Variants in SCUBE3 observed in about 807,000 individuals in gnomAD.
SCUBE3 encodes signal peptide, CUB domain and EGF like domain containing 3, also known as signal peptide, CUB and EGF-like domain-containing protein 3.
Under a neutral mutation model 116.8 loss-of-function variants are expected in SCUBE3, and 33 were observed. The observed-to-expected ratio is 0.28, with a 90% CI of 0.21 to 0.38. SCUBE3 has a LOEUF of 0.38. Among genes scored for constraint, SCUBE3 ranks in the 10% least tolerant of loss-of-function variants. The pLI is 1.00. For synonymous variants in SCUBE3, 418 were observed against 496.9 expected (o/e 0.84, Z 2.11); for missense variants, 1,007 against 1,324.8 (o/e 0.76, Z 3.72).
chr6:35,226,557 A>G (rs1307975214), intron 1 of SCUBE3, among the ~76,000 whole-genome samples: 1 of 130,316 alleles, frequency 7.7e-6, no homozygotes, highest in African/African-American at 2.9e-5. Flanking sequence ...ATCTCAGCTC[A>G]CTGCAACCTC....
At chr6:35,247,656 C>G (rs550559646) in intron 21 of SCUBE3, among the ~76,000 whole-genome samples, 4 of 152,250 alleles carry the variant, frequency 2.6e-5, no homozygotes, top group African/African-American at 9.6e-5. Context: ...TATTTCAAAT[C>G]AAATGTACTG....
chr6:35,228,827 G>A lies in SCUBE3; in HGVS notation c.334+88G>A. 7.2e-7 allele frequency: 1 copy of A among 1,386,942 alleles called. No individual in the cohort carries two copies. Among genetic ancestry groups the A allele is most frequent in the Non-Finnish European group, 1.0e-6 (1 of 980,020 alleles). 85.9% of individuals were successfully genotyped at this position (1,386,942 alleles called of 1,614,324 possible). A position where few individuals can be genotyped will look rare whatever the true frequency, so the allele number is the denominator to read the frequency against. On this transcript the variant is annotated intron_variant, in intron 3 of 21. Transcript: ENST00000274938. This position sits in a 1 kb window ranked among gnomAD's most constrained non-coding sequence, Gnocchi z 4.9. ...TTTCCTATTTCCCAGGGAAGGAGGA[G>A]AGAGTGATCAAGAAGAGCTACATTC...
At chr6:35,248,216 A>G (rs751610075) in intron 21 of SCUBE3, among the ~76,000 whole-genome samples, 10 of 152,218 alleles carry the variant, frequency 6.6e-5, no homozygotes, top group Non-Finnish European at 1.3e-4. Flanking sequence ...CAGTACTCCA[A>G]GTCAGAGACA....
chr6:35,238,480 C>A (rs1282517854), intron 7 of SCUBE3, among the ~76,000 whole-genome samples: 2 of 152,156 alleles, frequency 1.3e-5, no homozygotes, highest in Non-Finnish European at 2.9e-5. Context: ...GAGTAGGATA[C>A]TAGTTAGGAG....
At position 35,245,651 on chromosome 6, in the gene SCUBE3, T is replaced by C. The variant is rs1194832455; in HGVS notation, c.2599+226T>C. Among the ~76,000 whole-genome samples the C allele has an allele frequency of 6.6e-6, 1 of 152,184 alleles. No homozygotes were observed. Among genetic ancestry groups the C allele is most frequent in the Admixed American group, 6.5e-5 (1 of 15,278 alleles). Reference sequence around the variant, plus strand: ...AGAAAGCTAGCAGTGGGGCTAGAACTCCAATGGCGTTACATGTATCACTTT... The same window carrying C: ...AGAAAGCTAGCAGTGGGGCTAGAACCCCAATGGCGTTACATGTATCACTTT... On this transcript the variant is annotated intron_variant, in intron 19 of 21. Transcript: ENST00000274938. This position sits in a 1 kb window ranked among gnomAD's most constrained non-coding sequence, Gnocchi z 4.2.
chr6:35,243,278 A>C lies in SCUBE3; in HGVS notation c.1909+42A>C. 1 of 1,547,844 alleles carries C rather than the reference A, an allele frequency of 6.5e-7. No individual in the cohort carries two copies. Among genetic ancestry groups the C allele is most frequent in the Non-Finnish European group, 8.9e-7 (1 of 1,125,936 alleles). ...GGGAGCAGGGATGTAGGAAAGACCCAGTTTGGGCCTGACTCAGAGCAGGAC... is the reference window on the plus strand; with the variant it reads ...GGGAGCAGGGATGTAGGAAAGACCCCGTTTGGGCCTGACTCAGAGCAGGAC... On this transcript the variant is annotated intron_variant, in intron 15 of 21. Transcript: ENST00000274938. The surrounding 1 kb of genome is among the most constrained non-coding windows in gnomAD (Gnocchi z 6.6).
chr6:35,243,163 C>T lies in SCUBE3; in HGVS notation c.1836C>T (p.Gly612=). The change falls in exon 15 of 22, where the codon GGC becomes GGT. Residue 612 remains glycine (G), a synonymous_variant. Coordinates refer to ENST00000274938, the MANE Select transcript of SCUBE3 (RefSeq NM_152753.4). The surrounding 1 kb of genome is among the most constrained non-coding windows in gnomAD (Gnocchi z 6.6). ...GLDYELAHKP[G]LVAGERAEPM... Reference sequence around the variant, plus strand: ...ATTATGAGCTGGCCCACAAGCCGGGCCTGGTAGCCGGGGAGCGAGCAGAGC... The same window carrying T: ...ATTATGAGCTGGCCCACAAGCCGGGTCTGGTAGCCGGGGAGCGAGCAGAGC... 6.2e-7 allele frequency: 1 copy of T among 1,614,232 alleles called. No individual in the cohort carries two copies. Among genetic ancestry groups the T allele is most frequent in the East Asian group, 2.2e-5 (1 of 44,878 alleles).
rs764779695 is a variant in SCUBE3, at chr6:35,226,480, C to CTTTTTTTTTTTTTTTTTTTTTTTTTTT, written c.86-1078_86-1077insTTTTTTTTTTTTTTTTTTTTTTTTTTT. Among the ~76,000 whole-genome samples the CTTTTTTTTTTTTTTTTTTTTTTTTTTT allele has an allele frequency of 1.2e-4, 10 of 85,234 alleles. 2 individuals carry two copies. The highest frequency in any genetic ancestry group is 9.9e-4 in the East Asian group (2 of 2,016). 55.9% of individuals were successfully genotyped at this position (85,234 alleles called of 152,430 possible). A position where few individuals can be genotyped will look rare whatever the true frequency, so the allele number is the denominator to read the frequency against. On this transcript the variant is annotated intron_variant, in intron 1 of 21. Transcript: ENST00000274938. ...CAGAAGTTGGACTCTTTTCTATGTCCTTTTTTTTTTTTTTTTTTTTTTGAG... is the reference window on the plus strand; with the variant it reads ...CAGAAGTTGGACTCTTTTCTATGTCCTTTTTTTTTTTTTTTTTTTTTTTTTTTTTTTTTTTTTTTTTTTTTTTTTGAG...
In SCUBE3 at chr6:35,233,305, G is replaced by A; in HGVS notation, c.712+4G>A. On this transcript the variant is annotated splice_donor_region_variant and intron_variant, in intron 6 of 21. Coordinates refer to ENST00000274938, the MANE Select transcript of SCUBE3 (RefSeq NM_152753.4). This position sits in a 1 kb window ranked among gnomAD's most constrained non-coding sequence, Gnocchi z 5.7. ...ACCGACGGGAAGACATGCATCGGTG[G>A]GTGAGGCCAGGGGAGAACTCAGTCC... The A allele has an allele frequency of 6.4e-7, 1 of 1,560,166 alleles. No homozygotes were observed. Among genetic ancestry groups the A allele is most frequent in the Non-Finnish European group, 8.8e-7 (1 of 1,130,860 alleles).
Position 35,245,869 on chromosome 6 carries a change from C to A in SCUBE3, c.2600-75C>A. On this transcript the variant is annotated intron_variant, in intron 19 of 21. Transcript: ENST00000274938. The surrounding 1 kb of genome is among the most constrained non-coding windows in gnomAD (Gnocchi z 4.2). ...TCTTGCCCTATACCCCCACCACCAG[C>A]TGTACAGCCCACGTTCTAGGAGGGC... 6.7e-7 allele frequency: 1 copy of A among 1,496,380 alleles called. No individual in the cohort carries two copies. The highest frequency in any genetic ancestry group is 9.2e-7 in the Non-Finnish European group (1 of 1,090,534). 92.7% of individuals were successfully genotyped at this position (1,496,380 alleles called of 1,614,324 possible). A position where few individuals can be genotyped will look rare whatever the true frequency, so the allele number is the denominator to read the frequency against.
At chr6:35,242,006 G>A in intron 12 of SCUBE3, 96 bp downstream of exon 12, 1 of 986,238 alleles carries the variant, frequency 1.0e-6, no homozygotes, top group Non-Finnish European at 1.6e-6. Flanking sequence ...CCTTTCTCCT[G>A]GATCCTCTTT....
chr6:35,241,119 G>T lies in SCUBE3; in HGVS notation c.1070-22G>T. Reference sequence around the variant, plus strand: ...CCTCCAACTCCATCGTTGTTTTTCTGTCTCCCTACTCCTTCCCCCAGATGT... The same window carrying T: ...CCTCCAACTCCATCGTTGTTTTTCTTTCTCCCTACTCCTTCCCCCAGATGT... On this transcript the variant is annotated intron_variant, in intron 9 of 21. Transcript: ENST00000274938. The surrounding 1 kb of genome is among the most constrained non-coding windows in gnomAD (Gnocchi z 4.1). The T allele has an allele frequency of 6.4e-7, 1 of 1,565,550 alleles. No individual in the cohort carries two copies. Among genetic ancestry groups the T allele is most frequent in the Non-Finnish European group, 8.7e-7 (1 of 1,147,576 alleles).
Position 35,243,621 on chromosome 6 carries a change from A to G in SCUBE3, c.1937A>G (p.His646Arg), listed in dbSNP as rs764959041. Residue 646 changes from histidine (H) to arginine (R), a missense_variant, in exon 16 of 22, where the codon CAC (histidine) becomes CGC (arginine). By Grantham distance (29) the His-to-Arg change is conservative. Coordinates refer to ENST00000274938, the MANE Select transcript of SCUBE3 (RefSeq NM_152753.4). The surrounding 1 kb of genome is among the most constrained non-coding windows in gnomAD (Gnocchi z 6.6). Reference protein sequence around the residue: ...CVSCPQGTYYHGQTEQCVPCP... With the variant: ...CVSCPQGTYYRGQTEQCVPCP... ...AGCTGCCCGCAGGGAACGTATTACC[A>G]CGGCCAGACGGAGCAGTGTGTGCCA... The G allele has an allele frequency of 1.5e-5, 24 of 1,613,574 alleles. No individual in the cohort carries two copies. In the Admixed American group the frequency reaches 4.0e-4, roughly 27 times the overall value.
chr6:35,241,146 G>A lies in SCUBE3; in HGVS notation c.1075G>A (p.Asp359Asn). Residue 359 changes from aspartate to asparagine, a missense_variant, in exon 10 of 22, where the codon GAT becomes AAT. Physicochemically the swap from Asp to Asn is conservative, Grantham distance 23. This residue lies in a region of SCUBE3 where 544 missense variants were observed against 638.9 expected (regional missense o/e 0.85). Transcript: ENST00000274938. This position sits in a 1 kb window ranked among gnomAD's most constrained non-coding sequence, Gnocchi z 4.1. ...CTCCCTACTCCTTCCCCCAGATGTG[G>A]ATGAATGCAGCATCAACCGGGGAGG... ...LYGITHCGDV[D>N]ECSINRGGCR... 1 of 1,593,838 alleles carries A rather than the reference G, an allele frequency of 6.3e-7. No individual in the cohort carries two copies. The highest frequency in any genetic ancestry group is 8.6e-7 in the Non-Finnish European group (1 of 1,163,836).
chr6:35,219,030 A>G lies in SCUBE3; in HGVS notation c.85+4527A>G, dbSNP rs953512419. 2.0e-5 allele frequency among the ~76,000 whole-genome samples: 3 copies of G among 152,114 alleles called. No homozygotes were observed. The highest frequency in any genetic ancestry group is 7.2e-5 in the African/African-American group (3 of 41,412). ...AAGGCAGAAGGCGCCGGGCCTCCAC[A>G]GGTTACTCACCCAAATCTCAGGCGC... On this transcript the variant is annotated intron_variant, in intron 1 of 21. Transcript: ENST00000274938. This position sits in a 1 kb window ranked among gnomAD's most constrained non-coding sequence, Gnocchi z 4.7.
chr6:35,226,946 A>G (rs972342315), intron 1 of SCUBE3, among the ~76,000 whole-genome samples: 2 of 152,244 alleles, frequency 1.3e-5, no homozygotes, highest in African/African-American at 4.8e-5. Flanking sequence ...GGCTTCAGGT[A>G]GCTGGTGCCA....
chr6:35,240,585 C>A lies in SCUBE3; in HGVS notation c.1069+95C>A. The A allele has an allele frequency of 1.6e-6, 1 of 622,954 alleles. No homozygotes were observed. Among genetic ancestry groups the A allele is most frequent in the Non-Finnish European group, 2.8e-6 (1 of 351,704 alleles). 38.6% of individuals were successfully genotyped at this position (622,954 alleles called of 1,614,324 possible). A position where few individuals can be genotyped will look rare whatever the true frequency, so the allele number is the denominator to read the frequency against. On this transcript the variant is annotated intron_variant, in intron 9 of 21. Coordinates refer to ENST00000274938, the MANE Select transcript of SCUBE3 (RefSeq NM_152753.4). The surrounding 1 kb of genome is among the most constrained non-coding windows in gnomAD (Gnocchi z 4.6). ...CCTTGTGTTGGCTTGTGGCTATGGGCAATCCCTGGATGCATGCACCATGTC... is the reference window on the plus strand; with the variant it reads ...CCTTGTGTTGGCTTGTGGCTATGGGAAATCCCTGGATGCATGCACCATGTC...
intron 3 of SCUBE3, among the ~76,000 whole-genome samples, chr6:35,230,182 C>A (rs775838943): frequency 5.9e-5 from 9 of 152,180 alleles, no homozygotes; most frequent in Non-Finnish European, 8.8e-5. Flanking sequence ...CCCTTGAGGG[C>A]CTCTTATGAA....
In SCUBE3 at chr6:35,219,184, T is replaced by G. The variant is rs887726369; in HGVS notation, c.85+4681T>G. Among the ~76,000 whole-genome samples the G allele has an allele frequency of 1.3e-5, 2 of 152,210 alleles. No individual in the cohort carries two copies. Among genetic ancestry groups the G allele is most frequent in the Non-Finnish European group, 2.9e-5 (2 of 68,038 alleles). On this transcript the variant is annotated intron_variant, in intron 1 of 21. Transcript: ENST00000274938. This position sits in a 1 kb window ranked among gnomAD's most constrained non-coding sequence, Gnocchi z 4.7. ...GATAGTTCTTACTGTGTCCATGAAG[T>G]GGGTATTTATCCCTGGAAATAGCCC...
Sources: allele counts gnomAD v4.1 joint callset (sites outside exome capture counted in the v4.1 genomes callset), GRCh38; gene constraint gnomAD v4.1.1; regional missense constraint gnomAD v4.1.1; non-coding constraint Gnocchi (gnomAD v3.1); transcripts MANE v1.5; gene names NCBI Gene and HGNC (gene_info 2026-07-23, HGNC 2026-07-21).